The following GTSE1 variants were observed in gnomAD, a reference collection of about 807,000 sequenced individuals.
GTSE1 encodes G2 and S-phase expressed 1.
In GTSE1, 52 loss-of-function variants were observed where a neutral mutation model predicts 60.5. The ratio of observed to expected loss-of-function variants is 0.86; its 90% CI spans 0.69 to 1.08. The LOEUF (loss-of-function observed/expected upper bound fraction) is 1.08, where lower values mean the gene tolerates loss of function less well. Ranked by LOEUF, GTSE1 falls within the 50% of genes least tolerant of loss-of-function variation. The probability of loss-of-function intolerance (pLI) is 0.00; values close to 1 mark genes in which losing one functional copy is unlikely to be tolerated. For missense variants in GTSE1, 937 were observed against 961.8 expected (o/e 0.97, Z 0.34); for synonymous variants, 368 against 386.5 (o/e 0.95, Z 0.56).
rs574450949 is a variant in GTSE1, at chr22:46,321,286, C to A, written c.1433-1904C>A. Among the ~76,000 whole-genome samples the A allele has an allele frequency of 6.6e-6, 1 of 152,166 alleles. No individual in the cohort carries two copies. On this transcript the variant is annotated intron_variant, in intron 7 of 11. Coordinates refer to ENST00000454366, the MANE Select transcript of GTSE1 (RefSeq NM_016426.7). The surrounding 1 kb of genome is among the most constrained non-coding windows in gnomAD (Gnocchi z 4.0). ...GGGCATGGTGCTGGGCACCTGTAGTCCCAGCTACTTGGGAGACTGAGGCAG... is the reference window on the plus strand; with the variant it reads ...GGGCATGGTGCTGGGCACCTGTAGTACCAGCTACTTGGGAGACTGAGGCAG...
chr22:46,301,933 A>G (rs8139989), intron 2 of GTSE1, among the ~76,000 whole-genome samples: 3 of 152,272 alleles, frequency 2.0e-5, no homozygotes, highest in African/African-American at 7.2e-5. Flanking sequence ...GTTCCAGACC[A>G]GCCTGACCAA....
Position 46,330,338 on chromosome 22 carries a change from C to T in GTSE1, c.*208C>T, listed in dbSNP as rs549783901. The T allele has an allele frequency of 3.4e-5, 17 of 504,580 alleles. No homozygotes were observed. The highest frequency in any genetic ancestry group is 7.1e-5 in the East Asian group (2 of 28,024). 31.3% of individuals were successfully genotyped at this position (504,580 alleles called of 1,614,324 possible). Reference sequence around the variant, plus strand: ...CCCTACAAAAAATACAAAAATTAGCCGGGTGTGGTAGTGCATGCCTGTAGT... The same window carrying T: ...CCCTACAAAAAATACAAAAATTAGCTGGGTGTGGTAGTGCATGCCTGTAGT... On this transcript the variant is annotated 3_prime_UTR_variant, in exon 12 of 12. Coordinates refer to ENST00000454366, the MANE Select transcript of GTSE1 (RefSeq NM_016426.7). The surrounding 1 kb of genome is among the most constrained non-coding windows in gnomAD (Gnocchi z 6.0).
intron 6 of GTSE1, among the ~76,000 whole-genome samples, chr22:46,315,653 C>T (rs907658666): frequency 3.3e-5 from 5 of 152,188 alleles, no homozygotes; most frequent in Admixed American, 2.6e-4. Flanking sequence ...GTAACAATTG[C>T]GTCTTTTTTC....
chr22:46,324,431 G>A lies in GTSE1; in HGVS notation c.1505+1169G>A, dbSNP rs932346864. Among the ~76,000 whole-genome samples, 14 of 151,952 alleles carry A rather than the reference G, an allele frequency of 9.2e-5. No homozygotes were observed. The highest frequency in any genetic ancestry group is 1.2e-4 in the Non-Finnish European group (8 of 68,000). ...CACCCAGGCTGGAGGGCAGTGGCAC[G>A]ATCTCAGCTCATGGTAAGCTCCGCC... is the stretch of plus-strand genomic sequence containing the variant. On this transcript the variant is annotated intron_variant, in intron 8 of 11. Coordinates refer to ENST00000454366, the MANE Select transcript of GTSE1 (RefSeq NM_016426.7). The surrounding 1 kb of genome is among the most constrained non-coding windows in gnomAD (Gnocchi z 5.2).
rs199551710 is a variant in GTSE1, at chr22:46,326,664, G to A, written c.1724+10G>A. Reference sequence around the variant, plus strand: ...AGAACTCTGCAATGAGGTAAGACACGAAGGTGGTAATAAATTGGTCTCAAA... The same window carrying A: ...AGAACTCTGCAATGAGGTAAGACACAAAGGTGGTAATAAATTGGTCTCAAA... On this transcript the variant is annotated intron_variant, in intron 9 of 11. Coordinates refer to ENST00000454366, the MANE Select transcript of GTSE1 (RefSeq NM_016426.7). 2.5e-6 allele frequency: 4 copies of A among 1,571,636 alleles called. No homozygotes were observed. The highest frequency in any genetic ancestry group is 1.2e-5 in the South Asian group (1 of 86,616).
chr22:46,319,063 C>T lies in GTSE1; in HGVS notation c.1432+2651C>T, dbSNP rs975140544. On this transcript the variant is annotated intron_variant, in intron 7 of 11. Transcript: ENST00000454366. This position sits in a 1 kb window ranked among gnomAD's most constrained non-coding sequence, Gnocchi z 5.0. ...ATGCTAGGACACGTTGTCTTTATTCCGCACACAGCTGAAATTTCTTACTGA... is the reference window on the plus strand; with the variant it reads ...ATGCTAGGACACGTTGTCTTTATTCTGCACACAGCTGAAATTTCTTACTGA... Among the ~76,000 whole-genome samples the T allele has an allele frequency of 2.6e-5, 4 of 152,182 alleles. No individual in the cohort carries two copies. Among genetic ancestry groups the T allele is most frequent in the Non-Finnish European group, 4.4e-5 (3 of 68,040 alleles).
chr22:46,323,395 C>T (rs983944209), intron 8 of GTSE1, 133 bp downstream of exon 8: 18 of 732,328 alleles, frequency 2.5e-5, no homozygotes, highest in Admixed American at 5.7e-5. Flanking sequence ...GGGTGCAGGC[C>T]GAGCTCCTGA....
rs534229858 is a variant in GTSE1, at chr22:46,310,384, C to T, written c.762+1441C>T. Among the ~76,000 whole-genome samples, 46 of 152,260 alleles carry T rather than the reference C, an allele frequency of 3.0e-4. No individual in the cohort carries two copies. The South Asian group carries it at 8.5e-3, about 28-fold the overall frequency. ...CTGGTGGGACTGTGAAATGGGGCAG[C>T]TGTTGTGGAAACAGTTTGGCAGCTC... On this transcript the variant is annotated intron_variant, in intron 4 of 11. Coordinates refer to ENST00000454366, the MANE Select transcript of GTSE1 (RefSeq NM_016426.7). This position sits in a 1 kb window ranked among gnomAD's most constrained non-coding sequence, Gnocchi z 4.4.
chr22:46,329,509 T>A lies in GTSE1; in HGVS notation c.2078T>A (p.Met693Lys). ...GAAAGCAGGCCTCTGATCGACCTCA[T>A]GACAAACACTCCAGACATGAATAAA... ...GSESRPLIDL[M>K]TNTPDMNKNV... Residue 693 changes from methionine to lysine, a missense_variant, in exon 11 of 12, where the codon ATG (methionine) becomes AAG (lysine). Physicochemically the swap from Met to Lys is moderately conservative, Grantham distance 95 (BLOSUM62 -1). Transcript: ENST00000454366. The surrounding 1 kb of genome is among the most constrained non-coding windows in gnomAD (Gnocchi z 6.4). 6.2e-7 allele frequency: 1 copy of A among 1,614,164 alleles called. No individual in the cohort carries two copies. The highest frequency in any genetic ancestry group is 8.5e-7 in the Non-Finnish European group (1 of 1,180,024).
At chr22:46,323,374 G>T (rs918537255) in intron 8 of GTSE1, 112 bp downstream of exon 8, 31 of 828,410 alleles carry the variant, frequency 3.7e-5, no homozygotes, top group African/African-American at 6.7e-5. Flanking sequence ...TGGCTTCCAC[G>T]CCAGTCTCTT....
Position 46,320,193 on chromosome 22 carries a change from C to A in GTSE1, c.1433-2997C>A, listed in dbSNP as rs541889235. On this transcript the variant is annotated intron_variant, in intron 7 of 11. Coordinates refer to ENST00000454366, the MANE Select transcript of GTSE1 (RefSeq NM_016426.7). This position sits in a 1 kb window ranked among gnomAD's most constrained non-coding sequence, Gnocchi z 7.1. ...GTTGGCTGGTCTCCTGGCTGTCGGG[C>A]TGCTTGATGCCACAGGACTTCTGCT... Among the ~76,000 whole-genome samples, 3 of 152,274 alleles carry A rather than the reference C, an allele frequency of 2.0e-5. No individual in the cohort carries two copies. Among genetic ancestry groups the A allele is most frequent in the South Asian group, 4.1e-4 (2 of 4,824 alleles).
rs139531292 is a variant in GTSE1, at chr22:46,316,115, G to A, written c.1135G>A (p.Ala379Thr). The A allele has an allele frequency of 5.8e-5, 93 of 1,591,722 alleles. No individual in the cohort carries two copies. The highest frequency in any genetic ancestry group is 1.7e-4 in the Middle Eastern group (1 of 5,976). Reference protein sequence around the residue: ...NISKSGRMGPAMLRPALPAGP... With the variant: ...NISKSGRMGPTMLRPALPAGP... Reference sequence around the variant, plus strand: ...CAGCAAGTCAGGCAGAATGGGACCCGCCATGCTGCGGCCAGCTCTGCCTGC... The same window carrying A: ...CAGCAAGTCAGGCAGAATGGGACCCACCATGCTGCGGCCAGCTCTGCCTGC... The change falls in exon 7 of 12, where the codon GCC becomes ACC. Residue 379 changes from alanine (A) to threonine (T), a missense_variant. By Grantham distance (58) the Ala-to-Thr change is moderately conservative. Coordinates refer to ENST00000454366, the MANE Select transcript of GTSE1 (RefSeq NM_016426.7). The surrounding 1 kb of genome is among the most constrained non-coding windows in gnomAD (Gnocchi z 5.0).
chr22:46,303,891 G>A (rs953943731), intron 2 of GTSE1, among the ~76,000 whole-genome samples: 1 of 152,182 alleles, frequency 6.6e-6, no homozygotes, highest in African/African-American at 2.4e-5. Flanking sequence ...GAGACGAGCG[G>A]TGTTCCTGAT....
At chr22:46,300,861 G>A (rs983530247) in intron 2 of GTSE1, among the ~76,000 whole-genome samples, 1 of 152,218 alleles carries the variant, frequency 6.6e-6, no homozygotes, top group African/African-American at 2.4e-5. Flanking sequence ...AAAGTGAAAT[G>A]TCTGCCTCTC....
In GTSE1 at chr22:46,297,120, A is replaced by T. The variant is rs1389423064; in HGVS notation, c.-22+189A>T. 2.6e-5 allele frequency among the ~76,000 whole-genome samples: 4 copies of T among 152,130 alleles called. No individual in the cohort carries two copies. Among genetic ancestry groups the T allele is most frequent in the Non-Finnish European group, 1.5e-5 (1 of 68,000 alleles). On this transcript the variant is annotated intron_variant, in intron 1 of 11. Transcript: ENST00000454366. This position sits in a 1 kb window ranked among gnomAD's most constrained non-coding sequence, Gnocchi z 4.9. ...AGGTCTAGGGCTGCCCCCCAGGCAA[A>T]CAGAGCCCCCAACACTCTGGCCCAG...
intron 2 of GTSE1, among the ~76,000 whole-genome samples, chr22:46,301,689 A>G (rs1412644914): frequency 6.6e-6 from 1 of 151,822 alleles, no homozygotes; most frequent in Non-Finnish European, 1.5e-5. Flanking sequence ...AGGTTTCACC[A>G]TGTTGGCCAG....
chr22:46,319,862 T>C lies in GTSE1; in HGVS notation c.1433-3328T>C, dbSNP rs1355982189. Among the ~76,000 whole-genome samples, 1 of 151,918 alleles carries C rather than the reference T, an allele frequency of 6.6e-6. No individual in the cohort carries two copies. The highest frequency in any genetic ancestry group is 1.9e-4 in the East Asian group (1 of 5,170). ...TTAGCCAGGCATGGTGGCGCATGCCTGTAATCCCAGCTACTTGGGAAGCTG... is the reference window on the plus strand; with the variant it reads ...TTAGCCAGGCATGGTGGCGCATGCCCGTAATCCCAGCTACTTGGGAAGCTG... On this transcript the variant is annotated intron_variant, in intron 7 of 11. Coordinates refer to ENST00000454366, the MANE Select transcript of GTSE1 (RefSeq NM_016426.7). The surrounding 1 kb of genome is among the most constrained non-coding windows in gnomAD (Gnocchi z 5.0).
Position 46,320,127 on chromosome 22 carries a change from C to T in GTSE1, c.1433-3063C>T, listed in dbSNP as rs994153195. On this transcript the variant is annotated intron_variant, in intron 7 of 11. Transcript: ENST00000454366. This position sits in a 1 kb window ranked among gnomAD's most constrained non-coding sequence, Gnocchi z 7.1. Reference sequence around the variant, plus strand: ...TCTGCCTGAATGCCTGGAGCCAGGACATGCGTCTGCCATGTCTCTCCTGAC... The same window carrying T: ...TCTGCCTGAATGCCTGGAGCCAGGATATGCGTCTGCCATGTCTCTCCTGAC... Among the ~76,000 whole-genome samples, 1 of 152,154 alleles carries T rather than the reference C, an allele frequency of 6.6e-6. No homozygotes were observed. Among genetic ancestry groups the T allele is most frequent in the Admixed American group, 6.5e-5 (1 of 15,270 alleles).
intron 2 of GTSE1, among the ~76,000 whole-genome samples, chr22:46,299,439 C>T (rs1469933990): frequency 6.6e-6 from 1 of 152,226 alleles, no homozygotes; most frequent in African/African-American, 2.4e-5. Context: ...CTTGGCATAC[C>T]CCCTCTGCAT....
Sources: gnomAD v4.1 joint callset for allele counts (sites outside exome capture counted in the v4.1 genomes callset) on GRCh38, gnomAD v4.1.1 for gene constraint, Gnocchi (gnomAD v3.1) non-coding constraint, MANE v1.5 for transcripts, NCBI Gene and HGNC (gene_info 2026-07-23, HGNC 2026-07-21) for gene names.